The following NSG1 variants were observed in gnomAD, a reference collection of about 807,000 sequenced individuals.
The protein encoded by NSG1 is neuronal vesicle trafficking associated 1, also known as neuronal vesicle trafficking-associated protein 1.
NSG1 carries 9 observed loss-of-function variants against 19.3 expected under a neutral mutation model. The observed-to-expected ratio is 0.47, with a 90% CI of 0.28 to 0.81. The LOEUF (loss-of-function observed/expected upper bound fraction) is 0.81. Ranked by LOEUF, NSG1 falls within the 40% of genes least tolerant of loss-of-function variation. The pLI is 0.11. For synonymous variants in NSG1, 104 were observed against 107.0 expected, an observed-to-expected ratio of 0.97 and a Z score of 0.17; for missense variants, 236 against 242.4, an observed-to-expected ratio of 0.97 and a Z score of 0.18.
At chr4:4,416,366 G>A (rs1220020880) in intron 4 of NSG1, among the ~76,000 whole-genome samples, 1 of 152,166 alleles carries the variant, frequency 6.6e-6, no homozygotes, top group Non-Finnish European at 1.5e-5. Context: ...GGCCTTGCAG[G>A]TATAAAGTAT....
At chr4:4,405,520 A>G (rs1723806745) in intron 3 of NSG1, among the ~76,000 whole-genome samples, 1 of 152,172 alleles carries the variant, frequency 6.6e-6, no homozygotes, top group Admixed American at 6.5e-5. Context: ...CAGAGAGGCC[A>G]GGTGACCTGT....
rs1360048122 is a variant in NSG1 at position 4,411,764 on chromosome 4, A to AC, written c.357+2081_357+2082insC. Among the ~76,000 whole-genome samples, 177 of 93,102 alleles carry AC rather than the reference A, an allele frequency of 1.9e-3. 1 individual carries two copies. The highest frequency in any genetic ancestry group is 0.013 in the African/African-American group (159 of 12,664). 61.1% of individuals were successfully genotyped at this position (93,102 alleles called of 152,430 possible). On this transcript the variant is annotated intron_variant, in intron 4 of 4. Coordinates refer to ENST00000621129, the MANE Select transcript of NSG1 (RefSeq NM_014392.5). ...GTCTAAAAACAAAACAAAACAAAAC[A>AC]AAACAAAACAAAACAAAACAAAACA...
intron 3 of NSG1, among the ~76,000 whole-genome samples, chr4:4,403,228 T>TACC (rs2108741668): frequency 6.6e-6 from 1 of 152,250 alleles, no homozygotes; most frequent in African/African-American, 2.4e-5. Flanking sequence ...TGTAACAAAT[T>TACC]ACCACCCATG....
intron 3 of NSG1, among the ~76,000 whole-genome samples, chr4:4,403,163 AGCCCT>A (rs1423572351): frequency 1.3e-5 from 2 of 152,248 alleles, no homozygotes; most frequent in Admixed American, 1.3e-4. Flanking sequence ...TGTGAATCAC[AGCCCT>A]GCCCTCGGGG....
At chr4:4,400,017 A>G (rs1011282725) in intron 3 of NSG1, among the ~76,000 whole-genome samples, 1 of 152,246 alleles carries the variant, frequency 6.6e-6, no homozygotes, top group African/African-American at 2.4e-5. Context: ...TCTGCAGCCC[A>G]GGGGTTCGGG....
chr4:4,403,790 C>G (rs768430200), intron 3 of NSG1, among the ~76,000 whole-genome samples: 7 of 152,186 alleles, frequency 4.6e-5, no homozygotes, highest in African/African-American at 7.2e-5. Flanking sequence ...GTTAGGAGTA[C>G]GCAGACTTTA....
chr4:4,416,037 TTTC>T (rs1724513615), intron 4 of NSG1: 3 of 698,870 alleles, frequency 4.3e-6, no homozygotes, highest in Admixed American at 2.0e-5. Context: ...GTCTTTTGGC[TTTC>T]TTTTCTGTCC....
At chr4:4,403,849 T>C (rs560924491) in intron 3 of NSG1, among the ~76,000 whole-genome samples, 34 of 152,336 alleles carry the variant, frequency 2.2e-4, no homozygotes, top group African/African-American at 7.9e-4. Flanking sequence ...GAGCTCCTCC[T>C]AATGGTAGTG....
intron 3 of NSG1, among the ~76,000 whole-genome samples, chr4:4,400,478 C>T (rs371149288): frequency 2.0e-5 from 3 of 152,098 alleles, no homozygotes; most frequent in Non-Finnish European, 4.4e-5. Context: ...TTTCGGCAAA[C>T]AAACAAAAAG....
At chr4:4,411,218 C>T (rs951468336) in intron 4 of NSG1, among the ~76,000 whole-genome samples, 1 of 152,192 alleles carries the variant, frequency 6.6e-6, no homozygotes, top group African/African-American at 2.4e-5. Flanking sequence ...AAAGCTCAAA[C>T]ATCTTGCACA....
chr4:4,408,742 G>T lies in NSG1; in HGVS notation c.247-831G>T, dbSNP rs1723999471. ...CCCAAAGTGCTGGGATTACAGGTGT[G>T]AGTCACCACGCCCAGCCCGTTTTGG... On this transcript the variant is annotated intron_variant, in intron 3 of 4. Transcript: ENST00000621129. 4.7e-5 allele frequency among the ~76,000 whole-genome samples: 6 copies of T among 127,382 alleles called. No homozygotes were observed. In the South Asian group the frequency reaches 1.3e-3, roughly 29 times the overall value. 83.6% of individuals were successfully genotyped at this position (127,382 alleles called of 152,430 possible). A position where few individuals can be genotyped will look rare whatever the true frequency, so the allele number is the denominator to read the frequency against.
chr4:4,409,363 TTATGAA>T (rs1424394951), intron 3 of NSG1, among the ~76,000 whole-genome samples: 2 of 152,262 alleles, frequency 1.3e-5, no homozygotes, highest in African/African-American at 2.4e-5. Context: ...TGAATGTCAC[TTATGAA>T]TATGGTGAAA....
chr4:4,416,189 G>T (rs149493917), intron 4 of NSG1: 2 of 702,302 alleles, frequency 2.8e-6, no homozygotes, highest in East Asian at 2.7e-5. Flanking sequence ...AAAACACTCC[G>T]CACGTGAACT....
At chr4:4,400,503 G>A (rs1298919572) in intron 3 of NSG1, among the ~76,000 whole-genome samples, 1 of 152,186 alleles carries the variant, frequency 6.6e-6, no homozygotes, top group Admixed American at 6.5e-5. Context: ...TTGGGTTGCT[G>A]ACAGAGATGG....
rs193121610 is a variant in NSG1, at chr4:4,416,927, A to G, written c.358-308A>G. On this transcript the variant is annotated intron_variant, in intron 4 of 4. Transcript: ENST00000621129. The stretch of plus-strand genomic sequence containing the variant: ...TTCATAAGTTGTTGTTTTCCAATTG[A>G]TTAAAAATGACAACTAGTGCAAGAT... Among the ~76,000 whole-genome samples, 9 of 152,332 alleles carry G rather than the reference A, an allele frequency of 5.9e-5. No homozygotes were observed. In the East Asian group the frequency reaches 1.7e-3, roughly 29 times the overall value.
rs556447725 is a variant in NSG1, at chr4:4,387,854, C to T, written c.129+96C>T. On this transcript the variant is annotated intron_variant, in intron 2 of 4. Coordinates refer to ENST00000621129, the MANE Select transcript of NSG1 (RefSeq NM_014392.5). ...AGAAACGCGCCGCGTGCGCTGGGTA[C>T]GCGAAGTGGGGGCGGGCTCGGGAGG... 2.3e-5 allele frequency: 24 copies of T among 1,052,980 alleles called. No homozygotes were observed. The African/African-American group carries it at 2.7e-4, about 12-fold the overall frequency. 65.2% of individuals were successfully genotyped at this position (1,052,980 alleles called of 1,614,324 possible). A position where few individuals can be genotyped will look rare whatever the true frequency, so the allele number is the denominator to read the frequency against.
chr4:4,416,418 G>C (rs146759889), intron 4 of NSG1, among the ~76,000 whole-genome samples: 228 of 152,304 alleles, frequency 1.5e-3, no homozygotes, highest in African/African-American at 5.3e-3. Flanking sequence ...TGGTAACAGA[G>C]AATGGATTCC....
At chr4:4,391,355 G>T (rs1018432152) in intron 2 of NSG1, 120 bp from the exon 3 acceptor site, 1 of 672,982 alleles carries the variant, frequency 1.5e-6, no homozygotes, top group Non-Finnish European at 2.6e-6. Flanking sequence ...GGCTGTTCTC[G>T]TTCTTGTGAA....
intron 1 of NSG1, 43 bp from the exon 2 acceptor site, chr4:4,387,561 C>CGGGGGTG: frequency 3.5e-5 from 40 of 1,141,916 alleles, no homozygotes; most frequent in Non-Finnish European, 4.5e-5. Context: ...CGCCCCGCCC[C>CGGGGGTG]GGGTCTTGCT....
Sources: gnomAD v4.1 joint callset for allele counts (sites outside exome capture counted in the v4.1 genomes callset) on GRCh38, gnomAD v4.1.1 for gene constraint, MANE v1.5 for transcripts, NCBI Gene and HGNC (gene_info 2026-07-23, HGNC 2026-07-21) for gene names.